Variants in PTPRO observed in about 807,000 individuals in gnomAD.
PTPRO encodes receptor-type tyrosine-protein phosphatase O.
Under a neutral mutation model 145.2 loss-of-function variants are expected in PTPRO, and 62 were observed. The ratio of observed to expected loss-of-function variants is 0.43; its 90% CI spans 0.35 to 0.53. PTPRO has a LOEUF of 0.53. PTPRO is among the 20% of genes least tolerant of loss of function. The probability of loss-of-function intolerance (pLI) is 0.01; values close to 1 mark genes in which losing one functional copy is unlikely to be tolerated. For missense variants in PTPRO, 1,345 were observed against 1,482.7 expected (o/e 0.91, Z 1.53); for synonymous variants, 565 against 514.7 (o/e 1.10, Z -1.32).
chr12:15,592,803 A>G (rs971635292), intron 25 of PTPRO, among the ~76,000 whole-genome samples: 2 of 152,218 alleles, frequency 1.3e-5, no homozygotes, highest in Non-Finnish European at 2.9e-5. Context: ...GTGAAGTGCT[A>G]CTTATGAATG....
At chr12:15,590,824 A>G (rs2135673664) in intron 25 of PTPRO, among the ~76,000 whole-genome samples, 1 of 152,334 alleles carries the variant, frequency 6.6e-6, no homozygotes, top group East Asian at 1.9e-4. Context: ...GGACATCAGT[A>G]TCACTTTTTA....
chr12:15,581,563 T>C, intron 22 of PTPRO, 116 bp from the exon 23 acceptor site: 1 of 1,263,136 alleles, frequency 7.9e-7, no homozygotes, highest in Non-Finnish European at 1.1e-6. Flanking sequence ...TGTTTCATCT[T>C]CACCACGGTC....
intron 1 of PTPRO, among the ~76,000 whole-genome samples, chr12:15,446,517 T>C (rs956813513): frequency 1.3e-5 from 2 of 151,798 alleles, no homozygotes; most frequent in African/African-American, 4.8e-5. Context: ...ATAATTAAAA[T>C]ATTTTATTCT....
chr12:15,561,120 A>G (rs1330184944), intron 17 of PTPRO, among the ~76,000 whole-genome samples: 1 of 152,102 alleles, frequency 6.6e-6, no homozygotes, highest in Non-Finnish European at 1.5e-5. Context: ...TGACAAGAAA[A>G]TCATTGTCCT....
chr12:15,333,805 T>C (rs747669982), intron 1 of PTPRO, among the ~76,000 whole-genome samples: 1 of 152,166 alleles, frequency 6.6e-6, no homozygotes, highest in Non-Finnish European at 1.5e-5. Flanking sequence ...ACCCTTTTTT[T>C]TCTCTTTATT....
In PTPRO at chr12:15,375,270, A is replaced by T. The variant is rs192389885; in HGVS notation, c.75+52469A>T. On this transcript the variant is annotated intron_variant, in intron 1 of 26. Transcript: ENST00000281171. Reference sequence around the variant, plus strand: ...TGCAATGTCCAATTTTTAAGAGAAAAATTGTGGTGCATACACAGGGGAAAA... The same window carrying T: ...TGCAATGTCCAATTTTTAAGAGAAATATTGTGGTGCATACACAGGGGAAAA... Among the ~76,000 whole-genome samples the T allele has an allele frequency of 8.5e-3, 1,288 of 152,292 alleles. 21 individuals carry two copies. The highest frequency in any genetic ancestry group is 0.03 in the African/African-American group (1,238 of 41,544).
intron 1 of PTPRO, among the ~76,000 whole-genome samples, chr12:15,433,929 T>C (rs1040761048): frequency 6.6e-6 from 1 of 152,240 alleles, no homozygotes; most frequent in African/African-American, 2.4e-5. Flanking sequence ...TTTTTGTTTG[T>C]TCATTTGTTT....
intron 10 of PTPRO, 81 bp downstream of exon 10, chr12:15,520,393 T>G (rs1179592214): frequency 2.0e-6 from 2 of 1,001,454 alleles, no homozygotes; most frequent in Non-Finnish European, 1.6e-6. Flanking sequence ...CTCTAGAAAG[T>G]GCCAGTCATT....
chr12:15,351,401 T>G (rs1937798055), intron 1 of PTPRO, among the ~76,000 whole-genome samples: 1 of 152,176 alleles, frequency 6.6e-6, no homozygotes, highest in Admixed American at 6.5e-5. Flanking sequence ...TCCCTGTAAG[T>G]GTACATGTCA....
At chr12:15,588,440 A>T (rs1275519230) in intron 24 of PTPRO, among the ~76,000 whole-genome samples, 2 of 152,196 alleles carry the variant, frequency 1.3e-5, no homozygotes, top group Non-Finnish European at 2.9e-5. Flanking sequence ...ACTTCAACAC[A>T]TAGAACTAGG....
At chr12:15,424,845 G>A (rs948098628) in intron 1 of PTPRO, among the ~76,000 whole-genome samples, 4 of 152,086 alleles carry the variant, frequency 2.6e-5, no homozygotes, top group Non-Finnish European at 5.9e-5. Flanking sequence ...AGTGAAAATG[G>A]TGAAAGTTAG....
chr12:15,394,029 A>G (rs1426728373), intron 1 of PTPRO, among the ~76,000 whole-genome samples: 2 of 150,526 alleles, frequency 1.3e-5, no homozygotes, highest in African/African-American at 4.8e-5. Flanking sequence ...TGATAACCCA[A>G]TGATCTATTA....
chr12:15,368,602 A>G (rs1938433485), intron 1 of PTPRO, among the ~76,000 whole-genome samples: 1 of 152,240 alleles, frequency 6.6e-6, no homozygotes, highest in Non-Finnish European at 1.5e-5. Context: ...TGAATGTTGC[A>G]TTTGAAAGGA....
intron 1 of PTPRO, among the ~76,000 whole-genome samples, chr12:15,394,742 C>T (rs1939288600): frequency 3.3e-5 from 5 of 152,136 alleles, no homozygotes; most frequent in Admixed American, 3.3e-4. Flanking sequence ...ATGGCTGCTG[C>T]TTCATAATCA....
intron 1 of PTPRO, among the ~76,000 whole-genome samples, chr12:15,373,017 G>C (rs921845054): frequency 2.6e-5 from 4 of 152,162 alleles, no homozygotes; most frequent in Non-Finnish European, 5.9e-5. Flanking sequence ...GCAAATTGGA[G>C]TGTAAGTTTA....
intron 1 of PTPRO, among the ~76,000 whole-genome samples, chr12:15,420,886 G>A (rs1940125497): frequency 6.6e-6 from 1 of 152,142 alleles, no homozygotes; most frequent in South Asian, 2.1e-4. Context: ...CACAGAAAAA[G>A]CACTTAGTGT....
intron 7 of PTPRO, among the ~76,000 whole-genome samples, chr12:15,513,116 G>GAAAGAAAGA (rs1565675402): frequency 1.2e-3 from 6 of 4,944 alleles, no homozygotes; most frequent in African/African-American, 2.6e-3. Context: ...AGAAAGGAAG[G>GAAAGAAAGA]AAGGAAGGAA....
chr12:15,462,369 A>G (rs1339872187), intron 1 of PTPRO, among the ~76,000 whole-genome samples: 2 of 151,562 alleles, frequency 1.3e-5, no homozygotes, highest in East Asian at 1.9e-4. Context: ...CAAGTGACCC[A>G]CCCGCCTCGG....
intron 1 of PTPRO, among the ~76,000 whole-genome samples, chr12:15,400,903 C>T (rs891481404): frequency 1.7e-4 from 26 of 152,116 alleles, no homozygotes; most frequent in Admixed American, 4.6e-4. Context: ...GCACCTAGCA[C>T]GAATTGTTGC....
Sources: gnomAD v4.1 joint callset for allele counts (sites outside exome capture counted in the v4.1 genomes callset) on GRCh38, gnomAD v4.1.1 for gene constraint, MANE v1.5 for transcripts, NCBI Gene and HGNC (gene_info 2026-07-23, HGNC 2026-07-21) for gene names.